The following SMPD3 variants were observed in gnomAD, a reference collection of about 807,000 sequenced individuals.
SMPD3 encodes the protein sphingomyelin phosphodiesterase 3, also known as nSMase-2.
In SMPD3, 21 loss-of-function variants were observed where a neutral mutation model predicts 55.7. The observed-to-expected ratio is 0.38, with a 90% confidence interval of 0.27 to 0.54. The LOEUF (loss-of-function observed/expected upper bound fraction) is 0.54. Among genes scored for constraint, SMPD3 ranks in the 20% least tolerant of loss-of-function variants. SMPD3 has a pLI of 0.80. For missense variants in SMPD3, 842 were observed against 899.6 expected, an observed-to-expected ratio of 0.94 and a Z score of 0.82; for synonymous variants, 457 against 404.3, an observed-to-expected ratio of 1.13 and a Z score of -1.56.
intron 3 of SMPD3, among the ~76,000 whole-genome samples, chr16:68,366,566 G>A (rs1382436742): frequency 6.6e-6 from 1 of 152,258 alleles, no homozygotes; most frequent in Non-Finnish European, 1.5e-5. Flanking sequence ...AAGCCGCCAT[G>A]CTCAAAAGGC....
intron 2 of SMPD3, among the ~76,000 whole-genome samples, chr16:68,382,934 C>A (rs371545212): frequency 1.4e-4 from 22 of 152,210 alleles, no homozygotes; most frequent in African/African-American, 2.9e-4. Context: ...CTCCACCCCC[C>A]ACTGGGCTCA....
intron 1 of SMPD3, among the ~76,000 whole-genome samples, chr16:68,392,486 T>C (rs971087024): frequency 6.6e-6 from 1 of 152,136 alleles, no homozygotes; most frequent in Non-Finnish European, 1.5e-5. Context: ...GTAACCCTGA[T>C]AAGTTGAGGA....
At chr16:68,366,371 T>C (rs535608995) in intron 3 of SMPD3, among the ~76,000 whole-genome samples, 1 of 152,236 alleles carries the variant, frequency 6.6e-6, no homozygotes, top group Non-Finnish European at 1.5e-5. Flanking sequence ...CCAGCCCTAA[T>C]GCACAGCCTT....
intron 3 of SMPD3, among the ~76,000 whole-genome samples, chr16:68,365,878 T>C (rs2089464224): frequency 6.6e-6 from 1 of 152,098 alleles, no homozygotes; most frequent in Admixed American, 6.5e-5. Context: ...CTGCAGGCAA[T>C]TCATAACTGC....
chr16:68,408,435 T>C (rs2090270196), intron 1 of SMPD3, among the ~76,000 whole-genome samples: 1 of 152,216 alleles, frequency 6.6e-6, no homozygotes. Context: ...AGGGGTAACT[T>C]CTGGGAAAAT....
rs2151965596 is a variant in SMPD3, at chr16:68,359,381, C to G, written c.*1825G>C. ...CGCCCTCAGCAGCCCCTTCCTGGCT[C>G]TGGACTCTGGAGGGGCAGGGCTTGG... is the stretch of plus-strand genomic sequence containing the variant. On this transcript the variant is annotated 3_prime_UTR_variant, in exon 9 of 9. Transcript: ENST00000219334. 1 of 152,732 alleles carries G rather than the reference C, an allele frequency of 6.5e-6. No individual in the cohort carries two copies. The highest frequency in any genetic ancestry group is 2.1e-4 in the South Asian group (1 of 4,838). The allele number at this position is 152,732 out of a possible 1,614,324, so 9.5% of individuals were successfully genotyped here. A position where few individuals can be genotyped will look rare whatever the true frequency, so the allele number is the denominator to read the frequency against.
At chr16:68,398,193 G>T (rs1047660524) in intron 1 of SMPD3, among the ~76,000 whole-genome samples, 1 of 152,176 alleles carries the variant, frequency 6.6e-6, no homozygotes, top group Admixed American at 6.5e-5. Context: ...GAAGCTTGGG[G>T]CTTATCCCAT....
At chr16:68,388,649 A>C (rs1404543666) in intron 1 of SMPD3, among the ~76,000 whole-genome samples, 16 of 131,788 alleles carry the variant, frequency 1.2e-4, no homozygotes, top group South Asian at 2.6e-4. Flanking sequence ...TCTCCACCCC[A>C]CTCCCATGCC....
At chr16:68,373,536 G>T (rs2089729674) in intron 2 of SMPD3, among the ~76,000 whole-genome samples, 1 of 152,118 alleles carries the variant, frequency 6.6e-6, no homozygotes, top group Non-Finnish European at 1.5e-5. Flanking sequence ...TGAGCCCACG[G>T]TGCCATCCAT....
intron 1 of SMPD3, among the ~76,000 whole-genome samples, chr16:68,433,104 G>A (rs1021531086): frequency 2.0e-5 from 3 of 152,188 alleles, no homozygotes; most frequent in African/African-American, 4.8e-5. Flanking sequence ...ATGCCCGGCT[G>A]TTGTTTTTCT....
chr16:68,415,833 G>T (rs2090334814), intron 1 of SMPD3, among the ~76,000 whole-genome samples: 1 of 144,300 alleles, frequency 6.9e-6, no homozygotes. Context: ...GGTTACAAGA[G>T]ACTTGTCCTA....
chr16:68,447,089 T>C lies in SMPD3; in HGVS notation c.-269+1264A>G, dbSNP rs538099167. On this transcript the variant is annotated intron_variant, in intron 1 of 8. Coordinates refer to ENST00000219334, the MANE Select transcript of SMPD3 (RefSeq NM_018667.4). The surrounding 1 kb of genome is among the most constrained non-coding windows in gnomAD (Gnocchi z 5.1). The stretch of plus-strand genomic sequence containing the variant: ...CCCGCGCCGCGCCCGAAGCCCCCCC[T>C]CCGCGGCCGCGCCCCCCGCCCAGCC... 6.6e-6 allele frequency among the ~76,000 whole-genome samples: 1 copy of C among 151,184 alleles called. No individual in the cohort carries two copies. Among genetic ancestry groups the C allele is most frequent in the Non-Finnish European group, 1.5e-5 (1 of 67,710 alleles).
chr16:68,405,926 AAC>A (rs2090251433), intron 1 of SMPD3, among the ~76,000 whole-genome samples: 3 of 152,222 alleles, frequency 2.0e-5, no homozygotes, highest in Admixed American at 2.0e-4. Context: ...AGTACCAGCT[AAC>A]ACAGGTGGAG....
At chr16:68,445,210 A>G (rs1197341771) in intron 1 of SMPD3, among the ~76,000 whole-genome samples, 3 of 152,222 alleles carry the variant, frequency 2.0e-5, no homozygotes, top group Non-Finnish European at 4.4e-5. Context: ...GCCTTTGAAA[A>G]ATGTTATTGA....
chr16:68,412,096 T>C (rs2090306343), intron 1 of SMPD3, among the ~76,000 whole-genome samples: 1 of 152,084 alleles, frequency 6.6e-6, no homozygotes, highest in South Asian at 2.1e-4. Flanking sequence ...AGGCAGTTGC[T>C]AGGCGGAGCT....
intron 1 of SMPD3, among the ~76,000 whole-genome samples, chr16:68,407,488 G>A (rs2090263388): frequency 1.3e-5 from 2 of 152,098 alleles, no homozygotes; most frequent in Admixed American, 6.5e-5. Flanking sequence ...TGAGTCTATT[G>A]TTGTATTTTT....
intron 2 of SMPD3, among the ~76,000 whole-genome samples, chr16:68,375,353 G>A (rs1341695902): frequency 6.8e-6 from 1 of 146,552 alleles, no homozygotes; most frequent in Non-Finnish European, 1.5e-5. Flanking sequence ...TGCAGGCTGA[G>A]CCCTGGCGTG....
chr16:68,408,712 A>G (rs2090272552), intron 1 of SMPD3, among the ~76,000 whole-genome samples: 1 of 152,142 alleles, frequency 6.6e-6, no homozygotes, highest in Admixed American at 6.5e-5. Context: ...TGCCTGGTAC[A>G]TTTTGCACAT....
At chr16:68,420,277 C>A (rs1002046597) in intron 1 of SMPD3, among the ~76,000 whole-genome samples, 2 of 152,148 alleles carry the variant, frequency 1.3e-5, no homozygotes, top group Non-Finnish European at 2.9e-5. Context: ...ACTATAGGCA[C>A]CTTTCATATC....
Sources: gnomAD v4.1 joint callset for allele counts (sites outside exome capture counted in the v4.1 genomes callset) on GRCh38, gnomAD v4.1.1 for gene constraint, Gnocchi (gnomAD v3.1) non-coding constraint, MANE v1.5 for transcripts, NCBI Gene and HGNC (gene_info 2026-07-23, HGNC 2026-07-21) for gene names.